PAPPA2: variants seen among roughly 807,000 people sequenced by gnomAD.
PAPPA2 encodes the protein pappalysin-2.
Under a neutral mutation model 176.4 loss-of-function variants are expected in PAPPA2, and 86 were observed. The ratio of observed to expected loss-of-function variants is 0.49; its 90% CI spans 0.41 to 0.58. The LOEUF (loss-of-function observed/expected upper bound fraction) is 0.58. PAPPA2 is among the 20% of genes least tolerant of loss of function. PAPPA2 has a pLI of 0.00. For synonymous variants in PAPPA2, 809 were observed against 852.2 expected (o/e 0.95, Z 0.88); for missense variants, 2,073 against 2,256.9 (o/e 0.92, Z 1.65).
In PAPPA2 at chr1:176,820,300, G is replaced by T. The variant is rs1666606475; in HGVS notation, c.5203-19873G>T. ...TTTTTCTATTTAAGATCAGTAATGA[G>T]AATTTGGCAGGAGAAAGATTCAAAT... On this transcript the variant is annotated intron_variant, in intron 21 of 22. Transcript: ENST00000367662. Among the ~76,000 whole-genome samples the T allele has an allele frequency of 2.6e-5, 4 of 152,244 alleles. No individual in the cohort carries two copies. The South Asian group carries it at 8.3e-4, about 32-fold the overall frequency.
intron 12 of PAPPA2, among the ~76,000 whole-genome samples, chr1:176,736,290 T>A (rs888191960): frequency 6.6e-6 from 1 of 151,904 alleles, no homozygotes; most frequent in African/African-American, 2.4e-5. Flanking sequence ...TCTAGGAGAA[T>A]AAATTCATTA....
At position 176,595,365 on chromosome 1, in the gene PAPPA2, G is replaced by A. The variant is rs1573097302; in HGVS notation, c.1761G>A (p.Glu587=). The change falls in exon 3 of 23, where the codon GAG becomes GAA. Residue 587 remains glutamate (E), a synonymous_variant. Transcript: ENST00000367662. ...LRHRVVLVNC[E]PSKIGNDHCD... ...ACCGGGTTGTGCTTGTGAACTGTGA[G>A]CCCAGCAAGATTGGCAATGACCATT... The A allele has an allele frequency of 6.2e-7, 1 of 1,614,160 alleles. No individual in the cohort carries two copies. The highest frequency in any genetic ancestry group is 8.5e-7 in the Non-Finnish European group (1 of 1,180,036).
At chr1:176,699,712 G>A (rs1459558807) in intron 8 of PAPPA2, 123 bp downstream of exon 8, 4 of 1,430,074 alleles carry the variant, frequency 2.8e-6, no homozygotes, top group East Asian at 2.3e-5. Flanking sequence ...CTTTCAGAGG[G>A]GATTTTACCG....
At chr1:176,685,580 C>T (rs941297642) in intron 4 of PAPPA2, among the ~76,000 whole-genome samples, 1 of 152,122 alleles carries the variant, frequency 6.6e-6, no homozygotes, top group Admixed American at 6.5e-5. Context: ...TGACAAGTAG[C>T]ATTTCTTATT....
chr1:176,810,468 G>T (rs561003289), intron 21 of PAPPA2, among the ~76,000 whole-genome samples: 1 of 152,076 alleles, frequency 6.6e-6, no homozygotes, highest in African/African-American at 2.4e-5. Flanking sequence ...TTCTCATAAG[G>T]AGCGTGCAAC....
intron 3 of PAPPA2, among the ~76,000 whole-genome samples, chr1:176,636,529 G>A (rs1418521565): frequency 6.6e-6 from 1 of 152,110 alleles, no homozygotes; most frequent in African/African-American, 2.4e-5. Context: ...GAATTAGTGG[G>A]CTGATATAAC....
chr1:176,648,054 C>A (rs530667167), intron 3 of PAPPA2, among the ~76,000 whole-genome samples: 22 of 151,558 alleles, frequency 1.5e-4, no homozygotes, highest in African/African-American at 5.1e-4. Context: ...AACATTAATT[C>A]TTCCAATCCA....
At chr1:176,685,649 C>T (rs2102797404) in intron 4 of PAPPA2, among the ~76,000 whole-genome samples, 1 of 152,326 alleles carries the variant, frequency 6.6e-6, no homozygotes, top group South Asian at 2.1e-4. Context: ...TCTCTGAAAG[C>T]AGGGGAATGC....
intron 2 of PAPPA2, among the ~76,000 whole-genome samples, chr1:176,591,528 G>T (rs1653666939): frequency 6.6e-6 from 1 of 152,060 alleles, no homozygotes; most frequent in Non-Finnish European, 1.5e-5. Context: ...TTAATTTCAG[G>T]TTTATTTTCT....
chr1:176,650,211 T>A lies in PAPPA2; in HGVS notation c.1992-20759T>A, dbSNP rs113523153. On this transcript the variant is annotated intron_variant, in intron 3 of 22. Coordinates refer to ENST00000367662, the MANE Select transcript of PAPPA2 (RefSeq NM_020318.3). ...ATATTTAATCTGAAATAAATGTAGC[T>A]ACTCCTGCCCATTTTTGGTTTCTAG... Among the ~76,000 whole-genome samples, 589 of 151,640 alleles carry A rather than the reference T, an allele frequency of 3.9e-3. 4 individuals carry two copies. The highest frequency in any genetic ancestry group is 0.013 in the African/African-American group (553 of 41,460).
chr1:176,714,522 A>G (rs1661285460), intron 12 of PAPPA2, among the ~76,000 whole-genome samples: 1 of 152,156 alleles, frequency 6.6e-6, no homozygotes, highest in Non-Finnish European at 1.5e-5. Flanking sequence ...CTACTTGGGT[A>G]CACCTCTCCA....
intron 3 of PAPPA2, among the ~76,000 whole-genome samples, chr1:176,611,237 A>G (rs949647003): frequency 6.6e-6 from 1 of 152,204 alleles, no homozygotes; most frequent in African/African-American, 2.4e-5. Flanking sequence ...AGTATATTAT[A>G]TGGGGGCATA....
intron 14 of PAPPA2, among the ~76,000 whole-genome samples, chr1:176,748,370 A>G (rs757577639): frequency 2.6e-4 from 40 of 152,240 alleles, no homozygotes; most frequent in Non-Finnish European, 5.3e-4. Context: ...AGGTCTTTTC[A>G]TAGAAATTCC....
Position 176,555,540 on chromosome 1 carries a change from C to T in PAPPA2, c.-783C>T, listed in dbSNP as rs1651227325. 1 of 152,236 alleles carries T rather than the reference C, an allele frequency of 6.6e-6. No homozygotes were observed. The highest frequency in any genetic ancestry group is 2.4e-5 in the African/African-American group (1 of 41,440). 9.4% of individuals were successfully genotyped at this position (152,236 alleles called of 1,614,324 possible). A position where few individuals can be genotyped will look rare whatever the true frequency, so the allele number is the denominator to read the frequency against. ...AACAAGTTGGATGAGGGATTAAAAG[C>T]CTTCAACAACCAACAACCCCAAGCA... On this transcript the variant is annotated 5_prime_UTR_variant, in exon 2 of 23. Coordinates refer to ENST00000367662, the MANE Select transcript of PAPPA2 (RefSeq NM_020318.3).
chr1:176,519,768 C>T (rs539200764), intron 1 of PAPPA2, among the ~76,000 whole-genome samples: 1 of 152,246 alleles, frequency 6.6e-6, no homozygotes, highest in East Asian at 1.9e-4. Context: ...TCCACATTTG[C>T]TGGTAGTATT....
At chr1:176,674,765 T>G (rs1204884171) in intron 4 of PAPPA2, among the ~76,000 whole-genome samples, 2 of 150,620 alleles carry the variant, frequency 1.3e-5, no homozygotes, top group Non-Finnish European at 3.0e-5. Context: ...CTCCATATAG[T>G]GACTTCTTTT....
At chr1:176,722,217 A>G (rs1156969570) in intron 12 of PAPPA2, among the ~76,000 whole-genome samples, 1 of 152,086 alleles carries the variant, frequency 6.6e-6, no homozygotes, top group Admixed American at 6.5e-5. Context: ...TGACTTTAAA[A>G]CATCGTATTT....
chr1:176,734,907 G>C (rs1042281462), intron 12 of PAPPA2, among the ~76,000 whole-genome samples: 1 of 152,100 alleles, frequency 6.6e-6, no homozygotes, highest in Non-Finnish European at 1.5e-5. Context: ...TTATGACTAA[G>C]AGATTATGTG....
At chr1:176,807,419 A>G (rs1665950447) in intron 21 of PAPPA2, among the ~76,000 whole-genome samples, 1 of 151,804 alleles carries the variant, frequency 6.6e-6, no homozygotes, top group Non-Finnish European at 1.5e-5. Context: ...GCCAAGCAGT[A>G]TTTGCCATTT....
Sources: gnomAD v4.1 joint callset for allele counts (sites outside exome capture counted in the v4.1 genomes callset) on GRCh38, gnomAD v4.1.1 for gene constraint, MANE v1.5 for transcripts, NCBI Gene and HGNC (gene_info 2026-07-23, HGNC 2026-07-21) for gene names.